DMD: variants seen among roughly 807,000 people sequenced by gnomAD.
The protein encoded by DMD is dystrophin.
A neutral mutation model predicts 330.1 loss-of-function variants in DMD; 63 were observed. That is an observed-to-expected ratio of 0.19 (90% CI 0.16 to 0.24). DMD has a LOEUF of 0.24. DMD is among the 10% of genes least tolerant of loss of function. DMD has a pLI of 1.00. For missense variants in DMD, 3,344 were observed against 2,684.1 expected (o/e 1.25, Z -5.43); for synonymous variants, 1,223 against 959.8 (o/e 1.27, Z -5.07).
In DMD at chrX:32,463,554, T is replaced by G. The variant is rs1346521535; in HGVS notation, c.3317A>C (p.Asn1106Thr). The change falls in exon 25 of 79, where the codon AAC becomes ACC. Residue 1106 changes from asparagine (N) to threonine (T), a missense_variant. Coordinates refer to ENST00000357033, the MANE Select transcript of DMD (RefSeq NM_004006.3). ...SDIQTIQPSL[N>T]SVNEGGQKIK... ...CTTCTGCCCACCTTCATTGACACTG[T>G]TTAGACTGGGCTGAATTGTCTGAAT... is the stretch of plus-strand genomic sequence containing the variant. 8.4e-7 allele frequency: 1 copy of G among 1,197,420 alleles called. No homozygotes were observed. The highest frequency in any genetic ancestry group is 2.2e-5 in the Admixed American group (1 of 44,680).
intron 49 of DMD, among the ~76,000 whole-genome samples, chrX:31,833,333 GGAGAGAGTGGA>G: frequency 2.8e-5 from 1 of 35,828 alleles, no homozygotes; most frequent in South Asian, 1.4e-3. Context: ...AGGGAGAGAG[GGAGAGAGTGGA>G]GAGGGAGGGA....
intron 44 of DMD, among the ~76,000 whole-genome samples, chrX:32,049,681 T>C (rs2096092300): frequency 9.0e-6 from 1 of 111,431 alleles, no homozygotes; most frequent in Non-Finnish European, 1.9e-5. Context: ...TCAGATACCA[T>C]TAAGTGTTTT....
intron 45 of DMD, among the ~76,000 whole-genome samples, chrX:31,958,122 A>ATTT (rs2095265720): frequency 0.01 from 866 of 83,263 alleles, 10 homozygotes; most frequent in East Asian, 0.012. Flanking sequence ...TTTTTTTTTA[A>ATTT]AAATGGTACA....
intron 7 of DMD, among the ~76,000 whole-genome samples, chrX:32,760,578 T>C (rs1386834953): frequency 8.9e-6 from 1 of 111,913 alleles, no homozygotes; most frequent in East Asian, 2.8e-4. Flanking sequence ...AGAGACATGA[T>C]ACATAGTGTT....
intron 1 of DMD, among the ~76,000 whole-genome samples, chrX:33,322,347 T>C (rs2054027687): frequency 1.9e-5 from 2 of 106,832 alleles, no homozygotes; most frequent in Middle Eastern, 4.2e-3. Context: ...TATTGGTTTG[T>C]CTCAGAATAG....
intron 50 of DMD, among the ~76,000 whole-genome samples, chrX:31,814,482 C>CAAAAAAAAAAAAAA (rs151208391): frequency 1.0e-4 from 3 of 28,990 alleles, no homozygotes; most frequent in African/African-American, 1.4e-4. Context: ...GACTCCGTCT[C>CAAAAAAAAAAAAAA]AAAAAAAAAA....
chrX:31,597,701 A>C (rs2077170106), intron 55 of DMD, among the ~76,000 whole-genome samples: 2 of 112,140 alleles, frequency 1.8e-5, no homozygotes, highest in Non-Finnish European at 3.8e-5. Flanking sequence ...ATGGGTCTTG[A>C]AGCAGTAGTA....
intron 2 of DMD, among the ~76,000 whole-genome samples, chrX:32,916,564 G>A (rs992334486): frequency 4.5e-5 from 5 of 111,382 alleles, no homozygotes; most frequent in Non-Finnish European, 9.4e-5. Flanking sequence ...TCAATATATT[G>A]TCTCTCTGGA....
chrX:31,461,644 A>G (rs2066533264), intron 59 of DMD, among the ~76,000 whole-genome samples: 1 of 111,654 alleles, frequency 9.0e-6, no homozygotes, highest in Non-Finnish European at 1.9e-5. Flanking sequence ...ATTCTGATGA[A>G]CAGCTATCAA....
chrX:31,234,958 C>G (rs1202794663), intron 63 of DMD, among the ~76,000 whole-genome samples: 3 of 103,393 alleles, frequency 2.9e-5, no homozygotes, highest in African/African-American at 1.1e-4. Context: ...AAAAACTTAA[C>G]AGGAACCTTG....
chrX:32,736,330 A>G (rs2068479902), intron 7 of DMD, among the ~76,000 whole-genome samples: 1 of 111,666 alleles, frequency 9.0e-6, no homozygotes, highest in African/African-American at 3.3e-5. Context: ...ACTGTAAACT[A>G]GTTCAACCAT....
chrX:32,755,593 T>A (rs2071406213), intron 7 of DMD, among the ~76,000 whole-genome samples: 1 of 112,169 alleles, frequency 8.9e-6, no homozygotes, highest in African/African-American at 3.2e-5. Flanking sequence ...GTTTTCATAT[T>A]CTTGAGTTCT....
intron 7 of DMD, among the ~76,000 whole-genome samples, chrX:32,807,932 CAT>C (rs978579670): frequency 2.7e-5 from 3 of 111,727 alleles, no homozygotes; most frequent in Non-Finnish European, 5.7e-5. Flanking sequence ...GGGAACTGAC[CAT>C]ATGTGATTCA....
At chrX:32,907,739 CAT>C (rs1417276370) in intron 2 of DMD, among the ~76,000 whole-genome samples, 2 of 112,054 alleles carry the variant, frequency 1.8e-5, no homozygotes, top group Non-Finnish European at 3.8e-5. Flanking sequence ...CATAAAAATT[CAT>C]ATAATAGTAA....
intron 51 of DMD, among the ~76,000 whole-genome samples, chrX:31,755,573 T>C (rs920778154): frequency 8.9e-6 from 1 of 111,779 alleles, no homozygotes; most frequent in South Asian, 3.7e-4. Flanking sequence ...AATAACCTAA[T>C]AGTTGGCCTT....
intron 2 of DMD, among the ~76,000 whole-genome samples, chrX:32,931,728 A>G (rs1035945645): frequency 8.9e-6 from 1 of 111,868 alleles, no homozygotes; most frequent in Admixed American, 9.5e-5. Context: ...AGTTTTTAAA[A>G]TGTCCATGAG....
chrX:32,292,302 C>CTTTTTTTTTTTTTTTTTGTTTTTTTT (rs10652780), intron 42 of DMD, among the ~76,000 whole-genome samples: 1 of 62,926 alleles, frequency 1.6e-5, no homozygotes, highest in Non-Finnish European at 2.7e-5. Context: ...AGGGAATATT[C>CTTTTTTTTTTTTTTTTTGTTTTTTTT]TTTTTTTTTT....
intron 2 of DMD, among the ~76,000 whole-genome samples, chrX:32,879,919 C>A (rs1343336377): frequency 1.8e-5 from 2 of 111,470 alleles, no homozygotes; most frequent in Non-Finnish European, 3.8e-5. Flanking sequence ...AGACCTTCCT[C>A]TTCTCCCATT....
At chrX:33,303,091 C>T (rs1416193179) in intron 1 of DMD, among the ~76,000 whole-genome samples, 1 of 111,347 alleles carries the variant, frequency 9.0e-6, no homozygotes, top group Non-Finnish European at 1.9e-5. Context: ...GGCTCAGTAG[C>T]TCATTTCTTT....
Sources: allele counts gnomAD v4.1 joint callset (sites outside exome capture counted in the v4.1 genomes callset), GRCh38; gene constraint gnomAD v4.1.1; transcripts MANE v1.5; gene names NCBI Gene and HGNC (gene_info 2026-07-23, HGNC 2026-07-21).